The following RAD51AP1 variants were observed in gnomAD, a reference collection of about 807,000 sequenced individuals.
The protein encoded by RAD51AP1 is RAD51-associated protein 1.
RAD51AP1 carries 14 observed loss-of-function variants against 34.3 expected under a neutral mutation model. That is an observed-to-expected ratio of 0.41 (90% CI 0.27 to 0.64). The LOEUF is 0.64. Among genes scored for constraint, RAD51AP1 ranks in the 30% least tolerant of loss-of-function variants. The pLI is 0.33. For synonymous variants in RAD51AP1, 114 were observed against 129.8 expected (o/e 0.88, Z 0.83); for missense variants, 348 against 386.9 (o/e 0.90, Z 0.84).
chr12:4,558,956 G>A lies in RAD51AP1; in HGVS notation c.971G>A (p.Arg324Gln), dbSNP rs1398135737. 6.2e-7 allele frequency: 1 copy of A among 1,614,140 alleles called. No individual in the cohort carries two copies. The highest frequency in any genetic ancestry group is 1.1e-5 in the South Asian group (1 of 91,082). ...CGCCTTGGCTTGTCCAGATTAGCAC[G>A]AGTTAAACCTTTGCATCCAAATGCC... ...SLRLGLSRLA[R>Q]VKPLHPNATS... Residue 324 changes from arginine (R) to glutamine (Q), a missense_variant, in exon 9 of 9, where the codon CGA (arginine) becomes CAA (glutamine). Physicochemically the swap from Arg to Gln is conservative, Grantham distance 43. Coordinates refer to ENST00000352618, the MANE Select transcript of RAD51AP1 (RefSeq NM_006479.5).
intron 4 of RAD51AP1, among the ~76,000 whole-genome samples, chr12:4,547,094 GTCTC>G (rs1336899512): frequency 6.6e-6 from 1 of 152,026 alleles, no homozygotes; most frequent in Non-Finnish European, 1.5e-5. Context: ...TTGAGACAGG[GTCTC>G]TCTCTGTCAT....
intron 1 of RAD51AP1, among the ~76,000 whole-genome samples, chr12:4,539,628 T>C (rs1944441632): frequency 6.6e-6 from 1 of 152,098 alleles, no homozygotes; most frequent in African/African-American, 2.4e-5. Context: ...ACTTTAAATA[T>C]AGTAGTTAAT....
chr12:4,557,074 C>G (rs955679013), intron 8 of RAD51AP1, among the ~76,000 whole-genome samples: 3 of 152,186 alleles, frequency 2.0e-5, no homozygotes, highest in Admixed American at 6.5e-5. Flanking sequence ...AACCCTAATC[C>G]AGGCCCAAAT....
chr12:4,548,711 A>G lies in RAD51AP1; in HGVS notation c.431A>G (p.Asp144Gly). The G allele has an allele frequency of 6.2e-7, 1 of 1,613,820 alleles. No homozygotes were observed. The highest frequency in any genetic ancestry group is 1.1e-5 in the South Asian group (1 of 91,012). ...YLDLDKITVE[D>G]DVGGVQGKRK... Reference sequence around the variant, plus strand: ...GATTTGGATAAGATTACTGTGGAAGATGATGTTGGTGGTGTTCAAGGGAAA... The same window carrying G: ...GATTTGGATAAGATTACTGTGGAAGGTGATGTTGGTGGTGTTCAAGGGAAA... The change falls in exon 6 of 9, where the codon GAT becomes GGT. Residue 144 changes from aspartate to glycine, a missense_variant. By Grantham distance (94) the Asp-to-Gly change is moderately conservative. Transcript: ENST00000352618.
chr12:4,548,793 T>C lies in RAD51AP1; in HGVS notation c.513T>C (p.Ser171=). ...AGAGGAAGATTCTTCTGGAAGGCAG[T>C]GATGGTGATAGTGCTAATGACACTG... is the stretch of plus-strand genomic sequence containing the variant. ...AQQRKILLEG[S]DGDSANDTEP... is the part of the protein sequence containing the mutation. The change falls in exon 6 of 9, where the codon AGT becomes AGC. Residue 171 remains serine (S), a synonymous_variant. Coordinates refer to ENST00000352618, the MANE Select transcript of RAD51AP1 (RefSeq NM_006479.5). 1 of 1,614,100 alleles carries C rather than the reference T, an allele frequency of 6.2e-7. No homozygotes were observed. The highest frequency in any genetic ancestry group is 8.5e-7 in the Non-Finnish European group (1 of 1,179,958).
At chr12:4,548,938 G>T (rs762064267) in intron 6 of RAD51AP1, 102 bp downstream of exon 6, 1 of 1,308,076 alleles carries the variant, frequency 7.6e-7, no homozygotes, top group Non-Finnish European at 1.0e-6. Flanking sequence ...CCTTTGGGGT[G>T]TGCAAACTTC....
intron 1 of RAD51AP1, among the ~76,000 whole-genome samples, chr12:4,540,204 G>A (rs1944453345): frequency 6.6e-6 from 1 of 152,172 alleles, no homozygotes; most frequent in Admixed American, 6.5e-5. Flanking sequence ...GGGAAGACTA[G>A]GAAAAGGAAG....
In RAD51AP1 at chr12:4,546,421, A is replaced by G. The variant is rs765715663; in HGVS notation, c.319+3A>G. 6.3e-7 allele frequency: 1 copy of G among 1,588,420 alleles called. No homozygotes were observed. The highest frequency in any genetic ancestry group is 8.6e-7 in the Non-Finnish European group (1 of 1,159,842). Reference sequence around the variant, plus strand: ...TGTGCAGAACTCTCAAGATAAAAGTAACTTTATTTTCTGTATATTTAGCTT... The same window carrying G: ...TGTGCAGAACTCTCAAGATAAAAGTGACTTTATTTTCTGTATATTTAGCTT... On this transcript the variant is annotated splice_donor_region_variant and intron_variant, in intron 4 of 8. Transcript: ENST00000352618.
At chr12:4,543,093 C>G (rs1322026749) in intron 2 of RAD51AP1, among the ~76,000 whole-genome samples, 2 of 152,136 alleles carry the variant, frequency 1.3e-5, no homozygotes, top group African/African-American at 4.8e-5. Context: ...CGGAGTCTCA[C>G]TCTTGCACCT....
intron 1 of RAD51AP1, among the ~76,000 whole-genome samples, chr12:4,540,706 G>A (rs1944460531): frequency 1.3e-5 from 2 of 152,024 alleles, no homozygotes; most frequent in South Asian, 4.2e-4. Context: ...TTTATAAAGG[G>A]GTTTTCACAT....
rs765161532 is a variant in RAD51AP1 at position 4,548,815 on chromosome 12, A to C, written c.535A>C (p.Thr179Pro). 8.7e-6 allele frequency: 14 copies of C among 1,613,186 alleles called. No individual in the cohort carries two copies. The highest frequency in any genetic ancestry group is 5.0e-5 in the Admixed American group (3 of 59,804). The change falls in exon 6 of 9, where the codon ACT (threonine) becomes CCT (proline). Residue 179 changes from threonine (T) to proline (P), a missense_variant. Transcript: ENST00000352618. ...EGSDGDSAND[T>P]EPDFAPGEDS... The stretch of plus-strand genomic sequence containing the variant: ...CAGTGATGGTGATAGTGCTAATGAC[A>C]CTGAACCAGACTTTGCACCTGGTAG...
intron 7 of RAD51AP1, among the ~76,000 whole-genome samples, chr12:4,555,565 G>A (rs908583910): frequency 4.6e-5 from 7 of 152,170 alleles, no homozygotes; most frequent in Admixed American, 1.3e-4. Context: ...TACACCCAGT[G>A]TCTATCTCTC....
intron 1 of RAD51AP1, among the ~76,000 whole-genome samples, chr12:4,539,368 G>A (rs1227314925): frequency 1.3e-5 from 2 of 152,174 alleles, no homozygotes; most frequent in Non-Finnish European, 2.9e-5. Flanking sequence ...GTAAGTGGCA[G>A]GGCAATACTC....
At chr12:4,558,399 T>C (rs142383306) in intron 8 of RAD51AP1, among the ~76,000 whole-genome samples, 1 of 152,262 alleles carries the variant, frequency 6.6e-6, no homozygotes, top group Non-Finnish European at 1.5e-5. Context: ...ATTGCGACAT[T>C]AGGATAATAG....
intron 6 of RAD51AP1, among the ~76,000 whole-genome samples, chr12:4,549,066 A>G (rs1482570117): frequency 6.6e-6 from 1 of 152,236 alleles, no homozygotes; most frequent in African/African-American, 2.4e-5. Flanking sequence ...CTAAAGGTGT[A>G]AAGTAGCATT....
chr12:4,556,177 G>A (rs1056951061), intron 7 of RAD51AP1, among the ~76,000 whole-genome samples, 176 bp from the exon 8 acceptor site: 1 of 152,146 alleles, frequency 6.6e-6, no homozygotes, highest in Admixed American at 6.5e-5. Flanking sequence ...CTACCACACT[G>A]CCTGGCATAT....
intron 6 of RAD51AP1, among the ~76,000 whole-genome samples, chr12:4,549,521 T>C (rs1944531284): frequency 6.6e-6 from 1 of 152,194 alleles, no homozygotes; most frequent in Non-Finnish European, 1.5e-5. Context: ...ATGTGCATTA[T>C]ATTCTAGATA....
At chr12:4,558,829 C>T (rs747644627) in intron 8 of RAD51AP1, 28 bp from the exon 9 acceptor site, 1 of 1,600,706 alleles carries the variant, frequency 6.2e-7, no homozygotes, top group South Asian at 1.1e-5. Context: ...CTGACATCAT[C>T]AGCATCACAT....
chr12:4,539,079 C>G, intron 1 of RAD51AP1, 123 bp downstream of exon 1: 2 of 1,095,814 alleles, frequency 1.8e-6, no homozygotes, highest in Non-Finnish European at 2.7e-6. Context: ...GGACGGTTAT[C>G]AAGAACCCAG....
Sources: allele counts gnomAD v4.1 joint callset (sites outside exome capture counted in the v4.1 genomes callset), GRCh38; gene constraint gnomAD v4.1.1; transcripts MANE v1.5; gene names NCBI Gene and HGNC (gene_info 2026-07-23, HGNC 2026-07-21).